Variants in CNTN6 observed in about 807,000 individuals in gnomAD.
CNTN6 encodes contactin 6, also known as contactin-6.
A neutral mutation model predicts 122.8 loss-of-function variants in CNTN6; 137 were observed. That is an observed-to-expected ratio of 1.12 (90% CI 0.97 to 1.29). The LOEUF is 1.29. CNTN6 is among the 50% of genes most tolerant of loss of function. The pLI is 0.00. For missense variants in CNTN6, 1,634 were observed against 1,223.4 expected (o/e 1.34, Z -5.01); for synonymous variants, 570 against 426.0 (o/e 1.34, Z -4.16).
intron 1 of CNTN6, among the ~76,000 whole-genome samples, chr3:1,135,866 C>A (rs2092459032): frequency 6.6e-6 from 1 of 152,054 alleles, no homozygotes; most frequent in Non-Finnish European, 1.5e-5. Flanking sequence ...GTGGTGAGCG[C>A]CTGTAATCCC....
At chr3:1,226,301 A>C (rs921555771) in intron 3 of CNTN6, among the ~76,000 whole-genome samples, 5 of 146,750 alleles carry the variant, frequency 3.4e-5, no homozygotes, top group African/African-American at 8.3e-5. Context: ...ACCCTAAAAA[A>C]CACAGTTTGG....
intron 4 of CNTN6, among the ~76,000 whole-genome samples, chr3:1,247,953 A>G (rs2094605340): frequency 6.6e-6 from 1 of 152,168 alleles, no homozygotes; most frequent in Non-Finnish European, 1.5e-5. Flanking sequence ...CAAGAGCATC[A>G]ATAGATTCTC....
At chr3:1,256,795 G>A (rs2094766113) in intron 4 of CNTN6, among the ~76,000 whole-genome samples, 1 of 151,960 alleles carries the variant, frequency 6.6e-6, no homozygotes, top group African/African-American at 2.4e-5. Flanking sequence ...CTAAATAAAT[G>A]TCTCTTATTG....
At chr3:1,347,827 A>G (rs1034785936) in intron 11 of CNTN6, among the ~76,000 whole-genome samples, 11 of 152,112 alleles carry the variant, frequency 7.2e-5, no homozygotes, top group African/African-American at 2.2e-4. Flanking sequence ...AAGAGGTTGC[A>G]TGAATTCACG....
chr3:1,306,198 T>G (rs1698326732), intron 7 of CNTN6, among the ~76,000 whole-genome samples: 1 of 152,194 alleles, frequency 6.6e-6, no homozygotes, highest in South Asian at 2.1e-4. Context: ...AATCTCTTCC[T>G]AGGCATAGTT....
chr3:1,385,078 G>A (rs1242945343), intron 19 of CNTN6, among the ~76,000 whole-genome samples: 1 of 151,742 alleles, frequency 6.6e-6, no homozygotes, highest in East Asian at 1.9e-4. Context: ...ATACACTGTG[G>A]ATTCTAACCT....
intron 20 of CNTN6, among the ~76,000 whole-genome samples, chr3:1,387,807 A>G (rs1307578299): frequency 6.6e-6 from 1 of 152,158 alleles, no homozygotes; most frequent in East Asian, 1.9e-4. Flanking sequence ...TGACGGACGC[A>G]CCTGGAAAAT....
intron 2 of CNTN6, among the ~76,000 whole-genome samples, chr3:1,198,520 C>T (rs1320485334): frequency 6.6e-6 from 1 of 151,972 alleles, no homozygotes; most frequent in Non-Finnish European, 1.5e-5. Flanking sequence ...GTTAGGGATT[C>T]GAGACCAACC....
In CNTN6 at chr3:1,110,657, T is replaced by C. The variant is rs529898004; in HGVS notation, c.-83+17537T>C. 5.3e-5 allele frequency among the ~76,000 whole-genome samples: 8 copies of C among 152,236 alleles called. No individual in the cohort carries two copies. The South Asian group carries it at 1.0e-3, about 20-fold the overall frequency. On this transcript the variant is annotated intron_variant, in intron 1 of 22. Coordinates refer to ENST00000446702, the MANE Select transcript of CNTN6 (RefSeq NM_001289080.2). ...AATATTCAGCAGCCCTGAGAAGTTT[T>C]CTTATCTTCTACTCTAAGTCAGTAC...
chr3:1,118,777 G>A (rs2091830852), intron 1 of CNTN6, among the ~76,000 whole-genome samples: 1 of 151,976 alleles, frequency 6.6e-6, no homozygotes, highest in Middle Eastern at 3.2e-3. Flanking sequence ...TGAGAGATAA[G>A]CATAGCTTTT....
At chr3:1,244,693 G>C (rs2125626814) in intron 4 of CNTN6, among the ~76,000 whole-genome samples, 1 of 152,256 alleles carries the variant, frequency 6.6e-6, no homozygotes, top group South Asian at 2.1e-4. Context: ...ATTTCACCTG[G>C]GTGCAGGTGG....
chr3:1,309,944 G>A (rs887773995), intron 7 of CNTN6, among the ~76,000 whole-genome samples: 1 of 152,090 alleles, frequency 6.6e-6, no homozygotes, highest in African/African-American at 2.4e-5. Flanking sequence ...TTAACTACTG[G>A]TATAAACAAA....
chr3:1,109,362 A>G (rs909224564), intron 1 of CNTN6, among the ~76,000 whole-genome samples: 1 of 152,120 alleles, frequency 6.6e-6, no homozygotes, highest in African/African-American at 2.4e-5. Context: ...AATATTTAGA[A>G]TATAGTTTCT....
chr3:1,224,666 C>T (rs900410237), intron 3 of CNTN6, among the ~76,000 whole-genome samples: 2 of 152,098 alleles, frequency 1.3e-5, no homozygotes, highest in African/African-American at 4.8e-5. Flanking sequence ...CAGGCACAAG[C>T]GCGCACACAT....
chr3:1,219,485 G>A (rs964066851), intron 2 of CNTN6, among the ~76,000 whole-genome samples: 3 of 152,140 alleles, frequency 2.0e-5, no homozygotes, highest in African/African-American at 7.2e-5. Context: ...AATTTTTACT[G>A]CTTTTATTAT....
chr3:1,336,470 G>A (rs1286969129), intron 11 of CNTN6, among the ~76,000 whole-genome samples: 1 of 152,022 alleles, frequency 6.6e-6, no homozygotes, highest in Non-Finnish European at 1.5e-5. Flanking sequence ...CTACCCCTTA[G>A]CAATTGGTTT....
intron 7 of CNTN6, among the ~76,000 whole-genome samples, chr3:1,311,397 T>TAAAATGTCTATATATACATAC (rs1559787274): frequency 2.3e-5 from 2 of 85,292 alleles, no homozygotes; most frequent in African/African-American, 5.5e-5. Flanking sequence ...TATGTACATA[T>TAAAATGTCTATATATACATAC]ATGTACATAT....
At chr3:1,123,412 T>A (rs893579610) in intron 1 of CNTN6, among the ~76,000 whole-genome samples, 1 of 151,486 alleles carries the variant, frequency 6.6e-6, no homozygotes, top group Non-Finnish European at 1.5e-5. Flanking sequence ...AATGCTATTA[T>A]ACGTTGATGT....
chr3:1,107,737 G>A (rs1006006840), intron 1 of CNTN6, among the ~76,000 whole-genome samples: 1 of 151,994 alleles, frequency 6.6e-6, no homozygotes, highest in African/African-American at 2.4e-5. Flanking sequence ...TGTATAATTA[G>A]CATGATTTCA....
Sources: gnomAD v4.1 joint callset for allele counts (sites outside exome capture counted in the v4.1 genomes callset) on GRCh38, gnomAD v4.1.1 for gene constraint, MANE v1.5 for transcripts, NCBI Gene and HGNC (gene_info 2026-07-23, HGNC 2026-07-21) for gene names.